Variants in KPNA3 observed in about 807,000 individuals in gnomAD.
KPNA3 encodes the protein karyopherin subunit alpha 3.
KPNA3 carries 13 observed loss-of-function variants against 73.8 expected under a neutral mutation model. The observed-to-expected ratio is 0.18, with a 90% confidence interval of 0.11 to 0.28. The LOEUF (loss-of-function observed/expected upper bound fraction) is 0.28, where lower values mean the gene tolerates loss of function less well. Ranked by LOEUF, KPNA3 falls within the 10% of genes least tolerant of loss-of-function variation. KPNA3 has a pLI of 1.00. For missense variants in KPNA3, 360 were observed against 618.1 expected (o/e 0.58, Z 4.43); for synonymous variants, 186 against 206.9 (o/e 0.90, Z 0.87).
intron 9 of KPNA3, among the ~76,000 whole-genome samples, chr13:49,721,218 AAAG>A (rs144198571): frequency 0.14 from 20,981 of 151,694 alleles, 2,318 homozygotes; most frequent in East Asian, 0.58. Context: ...GACTGTCTCA[AAAG>A]AAGAAGAAGA....
chr13:49,773,179 G>T (rs1173405715), intron 1 of KPNA3, among the ~76,000 whole-genome samples: 1 of 152,140 alleles, frequency 6.6e-6, no homozygotes, highest in African/African-American at 2.4e-5. Flanking sequence ...ATCAATGAAA[G>T]AAAGCAGATT....
intron 10 of KPNA3, among the ~76,000 whole-genome samples, chr13:49,719,339 G>A (rs1376295916): frequency 2.6e-5 from 4 of 152,046 alleles, no homozygotes; most frequent in Non-Finnish European, 5.9e-5. Context: ...TATTGACTCT[G>A]ACCCTTACTA....
At chr13:49,792,359 C>T in intron 1 of KPNA3, 79 bp downstream of exon 1, 1 of 987,340 alleles carries the variant, frequency 1.0e-6, no homozygotes, top group Non-Finnish European at 1.4e-6. Flanking sequence ...GAGAACCAGC[C>T]CGGCGCCGGC....
At chr13:49,737,266 A>C (rs375453069) in intron 2 of KPNA3, among the ~76,000 whole-genome samples, 15 of 152,300 alleles carry the variant, frequency 9.8e-5, no homozygotes, top group African/African-American at 3.6e-4. Flanking sequence ...TTTAGACAAA[A>C]AACTGACAAA....
At chr13:49,725,340 ATTTC>A (rs937975953) in intron 7 of KPNA3, 72 bp downstream of exon 7, 22 of 696,758 alleles carry the variant, frequency 3.2e-5, no homozygotes, top group Middle Eastern at 5.1e-4. Context: ...ACAAGATAAA[ATTTC>A]TTTATTACAA....
intron 1 of KPNA3, among the ~76,000 whole-genome samples, chr13:49,758,700 ATG>A (rs1037666064): frequency 2.0e-5 from 3 of 152,160 alleles, no homozygotes; most frequent in Admixed American, 6.5e-5. Context: ...GTGTGTGTTT[ATG>A]TGTGTATGTA....
intron 1 of KPNA3, among the ~76,000 whole-genome samples, chr13:49,754,400 G>A (rs1011518269): frequency 1.3e-5 from 2 of 152,092 alleles, no homozygotes; most frequent in African/African-American, 2.4e-5. Context: ...TGCTGAAGTA[G>A]AGCAGAAAAG....
intron 1 of KPNA3, among the ~76,000 whole-genome samples, chr13:49,785,207 A>G (rs2137607673): frequency 6.6e-6 from 1 of 152,354 alleles, no homozygotes; most frequent in African/African-American, 2.4e-5. Context: ...GAAAAATCTC[A>G]TAAACTAAAG....
At chr13:49,751,889 T>TA (rs1371494756) in intron 1 of KPNA3, among the ~76,000 whole-genome samples, 1 of 152,126 alleles carries the variant, frequency 6.6e-6, no homozygotes, top group Non-Finnish European at 1.5e-5. Flanking sequence ...GCCTGGGTGA[T>TA]AGAGACCCTG....
At chr13:49,752,052 C>T (rs1199458529) in intron 1 of KPNA3, among the ~76,000 whole-genome samples, 2 of 152,068 alleles carry the variant, frequency 1.3e-5, no homozygotes, top group Admixed American at 1.3e-4. Flanking sequence ...AGTTATGGGG[C>T]GATTGAAGAC....
chr13:49,732,566 G>C (rs754338531), intron 5 of KPNA3, 39 bp downstream of exon 5: 1 of 1,525,398 alleles, frequency 6.6e-7, no homozygotes, highest in Non-Finnish European at 9.0e-7. Flanking sequence ...CACAACTGAG[G>C]AATGACATAA....
chr13:49,768,053 G>T (rs1954822895), intron 1 of KPNA3, among the ~76,000 whole-genome samples: 1 of 152,056 alleles, frequency 6.6e-6, no homozygotes, highest in African/African-American at 2.4e-5. Context: ...GCCAAAGCAG[G>T]CATATCACAA....
rs1954365834 is a variant in KPNA3, at chr13:49,722,160, C to A, written c.557-36G>T. On this transcript the variant is annotated intron_variant, in intron 8 of 16. Transcript: ENST00000261667. ...GAAAATTATATTTAAAAAAAACTTA[C>A]ATTCAGGATGAGAAAGTCTGAAATG... The A allele has an allele frequency of 2.2e-6, 3 of 1,390,384 alleles. No individual in the cohort carries two copies. In the South Asian group the frequency reaches 5.1e-5, roughly 24 times the overall value. The allele number at this position is 1,390,384 out of a possible 1,614,324, so 86.1% of individuals were successfully genotyped here. A position where few individuals can be genotyped will look rare whatever the true frequency, so the allele number is the denominator to read the frequency against.
intron 1 of KPNA3, among the ~76,000 whole-genome samples, chr13:49,764,058 C>T (rs1385852133): frequency 4.4e-5 from 5 of 114,916 alleles, no homozygotes; most frequent in African/African-American, 7.6e-5. Flanking sequence ...CAGAGAGAGA[C>T]CCTGTCTCAA....
intron 1 of KPNA3, among the ~76,000 whole-genome samples, chr13:49,770,125 T>C (rs1226081618): frequency 6.6e-6 from 1 of 151,864 alleles, no homozygotes; most frequent in East Asian, 1.9e-4. Flanking sequence ...GGATGTTAAG[T>C]AGTACCTTTA....
In KPNA3 at chr13:49,708,602, T is replaced by C. The variant is rs571999566; in HGVS notation, c.1032+970A>G. 4.2e-4 allele frequency among the ~76,000 whole-genome samples: 64 copies of C among 152,210 alleles called. 1 individual carries two copies. Among genetic ancestry groups the C allele is most frequent in the African/African-American group, 1.5e-3 (63 of 41,540 alleles). ...ATGTTCACTGCAGCATTCTTCGTAA[T>C]AGTGAAAAGGTGGAAACAACCGAAG... On this transcript the variant is annotated intron_variant, in intron 12 of 16. Coordinates refer to ENST00000261667, the MANE Select transcript of KPNA3 (RefSeq NM_002267.4).
intron 2 of KPNA3, among the ~76,000 whole-genome samples, chr13:49,739,936 G>A (rs1366863615): frequency 6.6e-6 from 1 of 152,124 alleles, no homozygotes. Flanking sequence ...ATATGTATAA[G>A]CTGTGGAATA....
At chr13:49,731,249 G>GTT (rs143641829) in intron 6 of KPNA3, among the ~76,000 whole-genome samples, 2,157 of 102,220 alleles carry the variant, frequency 0.021, 204 homozygotes, top group East Asian at 0.088. Context: ...TAATTTTCGT[G>GTT]TTTTTTTTTT....
In KPNA3 at chr13:49,706,340, T is replaced by A. The variant is rs753077632; in HGVS notation, c.1065A>T (p.Ala355=). The part of the protein sequence containing the change: ...EAVWFLSNIT[A]GNQQQVQAVI... The stretch of plus-strand genomic sequence containing the variant: ...CAGCTTGAACTTGTTGCTGGTTGCC[T>A]GCTGTTATGTTGGAAAGGAACCACA... The change falls in exon 13 of 17, where the codon GCA becomes GCT. Residue 355 remains alanine (A), a synonymous_variant. Coordinates refer to ENST00000261667, the MANE Select transcript of KPNA3 (RefSeq NM_002267.4). The A allele has an allele frequency of 1.2e-6, 2 of 1,614,128 alleles. No individual in the cohort carries two copies. The highest frequency in any genetic ancestry group is 2.2e-5 in the South Asian group (2 of 91,076).
Sources: allele counts gnomAD v4.1 joint callset (sites outside exome capture counted in the v4.1 genomes callset), GRCh38; gene constraint gnomAD v4.1.1; transcripts MANE v1.5; gene names NCBI Gene and HGNC (gene_info 2026-07-23, HGNC 2026-07-21).